ZNF732: variants seen among roughly 807,000 people sequenced by gnomAD.
ZNF732 encodes the protein zinc finger protein 732, also known as zinc finger protein LOC654254.
In ZNF732, 12 loss-of-function variants were observed where a neutral mutation model predicts 11.5. The ratio of observed to expected loss-of-function variants is 1.05; its 90% CI spans 0.67 to 1.70. ZNF732 has a LOEUF of 1.70. Among genes scored for constraint, ZNF732 ranks in the 40% most tolerant of loss-of-function variants. The probability of loss-of-function intolerance (pLI) is 0.00; values close to 1 mark genes in which losing one functional copy is unlikely to be tolerated. For synonymous variants in ZNF732, 231 were observed against 236.5 expected, an observed-to-expected ratio of 0.98 and a Z score of 0.21; for missense variants, 702 against 676.9, an observed-to-expected ratio of 1.04 and a Z score of -0.41.
At chr4:278,433 T>A (rs1243624448) in intron 3 of ZNF732, among the ~76,000 whole-genome samples, 1 of 152,182 alleles carries the variant, frequency 6.6e-6, no homozygotes, top group African/African-American at 2.4e-5. Context: ...TACAATATTT[T>A]ATTTTAAAAC....
rs782097058 is a variant in ZNF732 at position 296,193 on chromosome 4, T to A, written c.4-38A>T. The A allele has an allele frequency of 2.5e-6, 4 of 1,601,678 alleles. No individual in the cohort carries two copies. The South Asian group carries it at 4.5e-5, about 18-fold the overall frequency. On this transcript the variant is annotated intron_variant, in intron 1 of 3. Coordinates refer to ENST00000419098, the MANE Select transcript of ZNF732 (RefSeq NM_001137608.3). The stretch of plus-strand genomic sequence containing the variant: ...ATGTATCAAGTGACAGAGTTCTTAA[T>A]TTGACTACAGGTGAAATGAGTTAAG...
intron 3 of ZNF732, among the ~76,000 whole-genome samples, chr4:292,008 C>T (rs1719850005): frequency 6.6e-6 from 1 of 152,126 alleles, no homozygotes; most frequent in South Asian, 2.1e-4. Flanking sequence ...AACTGGATAT[C>T]CACAAGCTAA....
chr4:304,291 A>T (rs4373108), intron 1 of ZNF732, among the ~76,000 whole-genome samples: 13,533 of 148,912 alleles, frequency 0.091, 660 homozygotes, highest in Middle Eastern at 0.15. Context: ...CCTTTCCTCT[A>T]AGTTCCCAGT....
intron 3 of ZNF732, among the ~76,000 whole-genome samples, chr4:289,499 T>A (rs183601873): frequency 2.1e-4 from 32 of 152,374 alleles, no homozygotes; most frequent in Middle Eastern, 3.4e-3. Flanking sequence ...CCAGAAGTTT[T>A]ACTAAAATGT....
intron 1 of ZNF732, among the ~76,000 whole-genome samples, chr4:299,919 G>A (rs1439844789): frequency 1.4e-5 from 2 of 143,426 alleles, no homozygotes; most frequent in Admixed American, 7.1e-5. Context: ...GGCCAGTCTG[G>A]TCTCGAACTC....
In ZNF732 at chr4:271,550, T is replaced by A. The variant is rs61792062; in HGVS notation, c.1307A>T (p.His436Leu). The A allele has an allele frequency of 6.2e-7, 1 of 1,611,886 alleles. No individual in the cohort carries two copies. Among genetic ancestry groups the A allele is most frequent in the Admixed American group, 1.7e-5 (1 of 59,890 alleles). ...TTTCTCTCCAGTATGAATTATCTTA[T>A]GTTTATTCAGGTCTGTGGACCATCC... ...AFGWSTDLNK[H>L]KIIHTGEKPY... Residue 436 changes from histidine (H) to leucine (L), a missense_variant, in exon 4 of 4, where the codon CAT (histidine) becomes CTT (leucine). His to Leu is a moderately conservative substitution (Grantham distance 99). This residue lies in a region of ZNF732 where 596 missense variants were observed against 557.9 expected (regional missense o/e 1.07). Transcript: ENST00000419098.
In ZNF732 at chr4:271,787, G is replaced by A. The variant is rs782528668; in HGVS notation, c.1070C>T (p.Thr357Ile). Residue 357 changes from threonine to isoleucine, a missense_variant, in exon 4 of 4, where the codon ACT (threonine) becomes ATT (isoleucine). Coordinates refer to ENST00000419098, the MANE Select transcript of ZNF732 (RefSeq NM_001137608.3). Reference protein sequence around the residue: ...SVLNEHKRIHTGEKPYKCEQC... With the variant: ...SVLNEHKRIHIGEKPYKCEQC... ...TTCACATTTGTAGGGCTTCTCTCCA[G>A]TATGAATTCTCTTATGTTCATTCAG... The A allele has an allele frequency of 2.5e-6, 4 of 1,612,396 alleles. No homozygotes were observed. Among genetic ancestry groups the A allele is most frequent in the South Asian group, 1.1e-5 (1 of 90,964 alleles).
At position 277,643 on chromosome 4, in the gene ZNF732, G is replaced by A. The variant is rs1466205942; in HGVS notation, c.227-5013C>T. On this transcript the variant is annotated intron_variant, in intron 3 of 3. Transcript: ENST00000419098. ...TGAGAATGAATAGAAAAGGAAACAC[G>A]GTAAAACTGTAAGTTAGTAGAGCCA... 8.6e-5 allele frequency among the ~76,000 whole-genome samples: 13 copies of A among 151,448 alleles called. No individual in the cohort carries two copies. In the East Asian group the frequency reaches 1.3e-3, roughly 16 times the overall value.
At chr4:280,705 G>A (rs1468674557) in intron 3 of ZNF732, among the ~76,000 whole-genome samples, 1 of 152,238 alleles carries the variant, frequency 6.6e-6, no homozygotes, top group Admixed American at 6.5e-5. Flanking sequence ...CCTTGCTTGA[G>A]TGGCATGCTT....
intron 3 of ZNF732, among the ~76,000 whole-genome samples, chr4:274,859 A>G (rs1193464049): frequency 5.3e-5 from 8 of 151,746 alleles, no homozygotes; most frequent in African/African-American, 1.7e-4. Context: ...ATGTCTATAC[A>G]TACGTTAATA....
At position 295,544 on chromosome 4, in the gene ZNF732, T is replaced by A; in HGVS notation, c.131-11A>T. The A allele has an allele frequency of 6.2e-7, 1 of 1,600,830 alleles. No individual in the cohort carries two copies. Among genetic ancestry groups the A allele is most frequent in the Non-Finnish European group, 8.5e-7 (1 of 1,171,746 alleles). On this transcript the variant is annotated splice_polypyrimidine_tract_variant and intron_variant, in intron 2 of 3. Transcript: ENST00000419098. ...TAGAGATAGCAACACCTGTTTATTT[T>A]AAAAAATTAACATGCTACTGTTAGG...
rs1245948475 is a variant in ZNF732 at position 299,680 on chromosome 4, CATAA to C, written c.4-3529_4-3526del. Among the ~76,000 whole-genome samples the C allele has an allele frequency of 3.6e-4, 49 of 134,318 alleles. 1 individual carries two copies. Among genetic ancestry groups the C allele is most frequent in the African/African-American group, 1.4e-3 (49 of 36,198 alleles). The allele number at this position is 134,318 out of a possible 152,430, so 88.1% of individuals were successfully genotyped here. A position where few individuals can be genotyped will look rare whatever the true frequency, so the allele number is the denominator to read the frequency against. Reference sequence around the variant, plus strand: ...AAATTATATATATAATTTTTATATACATAAATATATATACTTTTTTTTTTTTTTT... The same window carrying C: ...AAATTATATATATAATTTTTATATACATATATATACTTTTTTTTTTTTTTT... On this transcript the variant is annotated intron_variant, in intron 1 of 3. Transcript: ENST00000419098.
chr4:304,573 C>G (rs551860659), intron 1 of ZNF732, among the ~76,000 whole-genome samples: 353 of 150,226 alleles, frequency 2.3e-3, no homozygotes, highest in Middle Eastern at 7.0e-3. Flanking sequence ...GCTGCCCCCC[C>G]CCTGCAGACG....
rs547663911 is a variant in ZNF732, at chr4:285,457, C to T, written c.226+9981G>A. ...ACTTATGTGTCCTATTATTGGAAAA[C>T]TCTAGAAGCAGAGGTGCTCTCAGTA... On this transcript the variant is annotated intron_variant, in intron 3 of 3. Coordinates refer to ENST00000419098, the MANE Select transcript of ZNF732 (RefSeq NM_001137608.3). Among the ~76,000 whole-genome samples, 8 of 152,304 alleles carry T rather than the reference C, an allele frequency of 5.3e-5. No individual in the cohort carries two copies. The South Asian group carries it at 1.7e-3, about 32-fold the overall frequency.
chr4:297,607 TAAAAA>T (rs57681246), intron 1 of ZNF732, among the ~76,000 whole-genome samples: 52 of 100,990 alleles, frequency 5.1e-4, no homozygotes, highest in African/African-American at 1.8e-3. Context: ...TTAAGATTTG[TAAAAA>T]AAAAAAAAAA....
At chr4:294,970 G>A (rs1000985570) in intron 3 of ZNF732, among the ~76,000 whole-genome samples, 1 of 151,986 alleles carries the variant, frequency 6.6e-6, no homozygotes, top group Non-Finnish European at 1.5e-5. Context: ...AACCTCTATA[G>A]GATTAAAAAT....
At chr4:287,064 T>C (rs1279920245) in intron 3 of ZNF732, among the ~76,000 whole-genome samples, 1 of 151,934 alleles carries the variant, frequency 6.6e-6, no homozygotes, top group African/African-American at 2.4e-5. Flanking sequence ...GGCAGGAGAA[T>C]GGCGTGAACC....
chr4:282,905 G>A (rs1553840071), intron 3 of ZNF732, among the ~76,000 whole-genome samples: 1 of 151,750 alleles, frequency 6.6e-6, no homozygotes, highest in African/African-American at 2.4e-5. Context: ...TTACTAAATG[G>A]TTAGAAAACA....
Position 299,461 on chromosome 4 carries a change from G to GTATATATATATACACACACATATGTGTA in ZNF732, c.4-3307_4-3306insTACACATATGTGTGTGTATATATATATA, listed in dbSNP as rs1720052826. The stretch of plus-strand genomic sequence containing the variant: ...TATATATATATATATACACATATGT[G>GTATATATATATACACACACATATGTGTA]TATATATATATACACATATATACAC... On this transcript the variant is annotated intron_variant, in intron 1 of 3. Transcript: ENST00000419098. Among the ~76,000 whole-genome samples the GTATATATATATACACACACATATGTGTA allele has an allele frequency of 2.4e-5, 2 of 83,570 alleles. 1 individual carries two copies. Among genetic ancestry groups the GTATATATATATACACACACATATGTGTA allele is most frequent in the African/African-American group, 1.2e-4 (2 of 16,856 alleles). The allele number at this position is 83,570 out of a possible 152,430, so 54.8% of individuals were successfully genotyped here. A position where few individuals can be genotyped will look rare whatever the true frequency, so the allele number is the denominator to read the frequency against.
Sources: gnomAD v4.1 joint callset for allele counts (sites outside exome capture counted in the v4.1 genomes callset) on GRCh38, gnomAD v4.1.1 for gene constraint, gnomAD v4.1.1 regional missense constraint, MANE v1.5 for transcripts, NCBI Gene and HGNC (gene_info 2026-07-23, HGNC 2026-07-21) for gene names.